TEF: variants seen among roughly 807,000 people sequenced by gnomAD.
TEF encodes the protein TEF transcription factor, PAR bZIP family member, also known as thyrotroph embryonic factor.
Under a neutral mutation model 20.8 loss-of-function variants are expected in TEF, and 3 were observed. The observed-to-expected ratio is 0.14, with a 90% CI of 0.07 to 0.37. The LOEUF (loss-of-function observed/expected upper bound fraction) is 0.37, where lower values mean the gene tolerates loss of function less well. Ranked by LOEUF, TEF falls within the 10% of genes least tolerant of loss-of-function variation. The pLI is 1.00. For missense variants in TEF, 296 were observed against 397.9 expected, an observed-to-expected ratio of 0.74 and a Z score of 2.18; for synonymous variants, 180 against 171.1, an observed-to-expected ratio of 1.05 and a Z score of -0.41.
chr22:41,369,334 C>T (rs552640300), intron 1 of TEF: 7 of 834,878 alleles, frequency 8.4e-6, no homozygotes, highest in East Asian at 1.2e-4. Flanking sequence ...AGAGCTTTGC[C>T]GAGCACTGGC....
At position 41,396,750 on chromosome 22, in the gene TEF, G is replaced by A. The variant is rs960961120; in HGVS notation, c.*790G>A. 2.5e-6 allele frequency: 1 copy of A among 394,176 alleles called. No individual in the cohort carries two copies. Among genetic ancestry groups the A allele is most frequent in the African/African-American group, 2.1e-5 (1 of 48,540 alleles). 24.4% of individuals were successfully genotyped at this position (394,176 alleles called of 1,614,324 possible). On this transcript the variant is annotated 3_prime_UTR_variant, in exon 4 of 4. Transcript: ENST00000266304. ...CTTCATTTCCTCTCCAGGCTACTCA[G>A]AGGCCATGTGAAGCTCGTTTGTCCC...
chr22:41,369,864 G>A, intron 1 of TEF: 2 of 981,420 alleles, frequency 2.0e-6, no homozygotes, highest in South Asian at 4.7e-5. Flanking sequence ...TGGACTTCCT[G>A]CTGCTCCCGT....
intron 1 of TEF, among the ~76,000 whole-genome samples, chr22:41,373,911 A>G (rs2145963939): frequency 6.6e-6 from 1 of 151,546 alleles, no homozygotes; most frequent in East Asian, 2.0e-4. Context: ...CTACAGGCGC[A>G]TGCTACCACA....
At chr22:41,369,754 T>C (rs1224455219) in intron 1 of TEF, among the ~76,000 whole-genome samples, 1 of 152,218 alleles carries the variant, frequency 6.6e-6, no homozygotes, top group Non-Finnish European at 1.5e-5. Flanking sequence ...CTCTTCCATC[T>C]GCCACTGCTC....
At chr22:41,393,509 C>G (rs2037190796) in intron 2 of TEF, among the ~76,000 whole-genome samples, 1 of 152,138 alleles carries the variant, frequency 6.6e-6, no homozygotes, top group Admixed American at 6.6e-5. Flanking sequence ...GTAATCCCAG[C>G]ACTTTGGGAG....
At chr22:41,370,050 G>A (rs1040705029) in intron 1 of TEF, 3 of 985,350 alleles carry the variant, frequency 3.0e-6, no homozygotes, top group Non-Finnish European at 3.6e-6. Flanking sequence ...AGAAACTCCA[G>A]GTGTGCTCTC....
chr22:41,387,312 C>CAA, intron 1 of TEF, 39 bp from the exon 2 acceptor site: 1 of 1,607,910 alleles, frequency 6.2e-7, no homozygotes, highest in Non-Finnish European at 8.5e-7. Flanking sequence ...TTGAGTTACT[C>CAA]TCCTGTGTGG....
Position 41,395,695 on chromosome 22 carries a change from G to A in TEF, c.697-50G>A, listed in dbSNP as rs1217047024. ...CAGGTGGTGGGAGTGGAAAAATTGG[G>A]TTCTCTCGTGGGGAAAGACGAGAGA... On this transcript the variant is annotated intron_variant, in intron 3 of 3. Coordinates refer to ENST00000266304, the MANE Select transcript of TEF (RefSeq NM_003216.4). 3 of 1,586,876 alleles carry A rather than the reference G, an allele frequency of 1.9e-6. No individual in the cohort carries two copies. In the South Asian group the frequency reaches 3.3e-5, roughly 18 times the overall value.
rs1181526890 is a variant in TEF, at chr22:41,395,949, G to A, written c.901G>A (p.Gly301Arg). The change falls in exon 4 of 4, where the codon GGG becomes AGG. Residue 301 changes from glycine to arginine, a missense_variant. By Grantham distance (125) the Gly-to-Arg change is moderately radical (BLOSUM62 -2). Coordinates refer to ENST00000266304, the MANE Select transcript of TEF (RefSeq NM_003216.4). The part of the protein sequence containing the change: ...TIVSKYETKY[G>R]PL ...CGTGTCCAAGTATGAGACCAAATAC[G>A]GGCCCTTGTAACCCGTGCCCCCCGC... The A allele has an allele frequency of 6.2e-7, 1 of 1,612,384 alleles. No individual in the cohort carries two copies. The highest frequency in any genetic ancestry group is 8.5e-7 in the Non-Finnish European group (1 of 1,178,568).
intron 2 of TEF, among the ~76,000 whole-genome samples, chr22:41,388,691 A>G (rs2037129508): frequency 6.6e-6 from 1 of 151,918 alleles, no homozygotes; most frequent in Admixed American, 6.6e-5. Flanking sequence ...GTTTGTTTTC[A>G]TGCTCCTTGG....
intron 1 of TEF, among the ~76,000 whole-genome samples, chr22:41,373,522 T>A (rs558931353): frequency 6.6e-6 from 1 of 151,964 alleles, no homozygotes; most frequent in Non-Finnish European, 1.5e-5. Context: ...CAGGCTGGAG[T>A]GTGGTGGCGT....
chr22:41,396,161 A>G lies in TEF; in HGVS notation c.*201A>G. Reference sequence around the variant, plus strand: ...ACGTCCCTGAGGGGCCAGTCTCCTCACTGGTGGGGAACGCAAGAGAATCTG... The same window carrying G: ...ACGTCCCTGAGGGGCCAGTCTCCTCGCTGGTGGGGAACGCAAGAGAATCTG... On this transcript the variant is annotated 3_prime_UTR_variant, in exon 4 of 4. Coordinates refer to ENST00000266304, the MANE Select transcript of TEF (RefSeq NM_003216.4). 1 of 578,254 alleles carries G rather than the reference A, an allele frequency of 1.7e-6. No individual in the cohort carries two copies. 35.8% of individuals were successfully genotyped at this position (578,254 alleles called of 1,614,324 possible). A position where few individuals can be genotyped will look rare whatever the true frequency, so the allele number is the denominator to read the frequency against.
At chr22:41,381,685 G>C (rs534485462), upstream of TEF, among the ~76,000 whole-genome samples, 4 of 152,274 alleles carry the variant, frequency 2.6e-5, no homozygotes, top group African/African-American at 9.6e-5. Context: ...ACTCCAGCAG[G>C]CGCCAATCAG....
At chr22:41,368,660 G>C (rs552326533) in intron 1 of TEF, among the ~76,000 whole-genome samples, 1 of 152,186 alleles carries the variant, frequency 6.6e-6, no homozygotes, top group African/African-American at 2.4e-5. Flanking sequence ...TTGCCCGAAC[G>C]GGGAAGGACG....
chr22:41,381,811 C>G, upstream of TEF: 1 of 1,109,106 alleles, frequency 9.0e-7, no homozygotes, highest in Non-Finnish European at 1.1e-6. Context: ...GCCTGCCCCT[C>G]TCGCAGGCTG....
At chr22:41,368,363 C>T (rs1438401749) in intron 1 of TEF, among the ~76,000 whole-genome samples, 1 of 152,168 alleles carries the variant, frequency 6.6e-6, no homozygotes, top group African/African-American at 2.4e-5. Context: ...CTGGCTTTTG[C>T]TGCCTGAGTC....
intron 1 of TEF, among the ~76,000 whole-genome samples, chr22:41,374,360 C>T (rs187812731): frequency 6.9e-4 from 105 of 152,188 alleles, no homozygotes; most frequent in African/African-American, 2.4e-3. Context: ...ACCATCCTGG[C>T]TAACATGGTG....
chr22:41,394,371 G>T, intron 3 of TEF, 55 bp downstream of exon 3: 1 of 1,507,516 alleles, frequency 6.6e-7, no homozygotes, highest in Non-Finnish European at 9.0e-7. Context: ...GGGCCTAGGG[G>T]ATATGGCTCC....
At chr22:41,384,337 C>G (rs1357198990) in intron 1 of TEF, among the ~76,000 whole-genome samples, 1 of 151,784 alleles carries the variant, frequency 6.6e-6, no homozygotes, top group Non-Finnish European at 1.5e-5. Flanking sequence ...TTTTAATTGC[C>G]CTCTCTTGGA....
Sources: allele counts gnomAD v4.1 joint callset (sites outside exome capture counted in the v4.1 genomes callset), GRCh38; gene constraint gnomAD v4.1.1; transcripts MANE v1.5; gene names NCBI Gene and HGNC (gene_info 2026-07-23, HGNC 2026-07-21).